HDAC9: variants seen among roughly 807,000 people sequenced by gnomAD.
The protein encoded by HDAC9 is histone deacetylase 9.
In HDAC9, 41 loss-of-function variants were observed where a neutral mutation model predicts 139.4. That is an observed-to-expected ratio of 0.29 (90% CI 0.23 to 0.38). HDAC9 has a LOEUF of 0.38. HDAC9 is among the 10% of genes least tolerant of loss of function. The pLI, the probability that HDAC9 is intolerant of heterozygous loss-of-function variation, is 1.00. For missense variants in HDAC9, 1,147 were observed against 1,297.0 expected (o/e 0.88, Z 1.78); for synonymous variants, 517 against 476.2 (o/e 1.09, Z -1.12).
chr7:18,749,522 T>C (rs1217245245), intron 14 of HDAC9, among the ~76,000 whole-genome samples: 1 of 152,232 alleles, frequency 6.6e-6, no homozygotes, highest in East Asian at 1.9e-4. Flanking sequence ...TTTTGCCACA[T>C]GGAAATGAAT....
chr7:18,424,604 A>G (rs762177359), intron 1 of HDAC9, among the ~76,000 whole-genome samples: 1 of 152,188 alleles, frequency 6.6e-6, no homozygotes, highest in African/African-American at 2.4e-5. Flanking sequence ...TTCTTCTTCT[A>G]TTAGGTTTTA....
intron 2 of HDAC9, among the ~76,000 whole-genome samples, chr7:18,269,130 G>A (rs1240948404): frequency 6.6e-6 from 1 of 152,152 alleles, no homozygotes; most frequent in Non-Finnish European, 1.5e-5. Flanking sequence ...TTCAGGGAAT[G>A]TGCTGCTTCA....
intron 22 of HDAC9, among the ~76,000 whole-genome samples, chr7:18,883,476 A>G (rs1451753307): frequency 6.6e-6 from 1 of 152,186 alleles, no homozygotes; most frequent in Non-Finnish European, 1.5e-5. Flanking sequence ...AAGGCATTTG[A>G]CAAATTCAAT....
chr7:18,537,541 A>G (rs1440491592), intron 2 of HDAC9, among the ~76,000 whole-genome samples: 1 of 151,240 alleles, frequency 6.6e-6, no homozygotes, highest in African/African-American at 2.4e-5. Context: ...TTTTTTTTCT[A>G]ATTTCTGTCA....
intron 2 of HDAC9, among the ~76,000 whole-genome samples, chr7:18,270,687 T>C (rs1354363146): frequency 6.6e-6 from 1 of 152,128 alleles, no homozygotes; most frequent in African/African-American, 2.4e-5. Flanking sequence ...GGAGGAAAAA[T>C]GCTAAATTAT....
chr7:18,743,757 G>A (rs1449406585), intron 13 of HDAC9, among the ~76,000 whole-genome samples: 3 of 151,898 alleles, frequency 2.0e-5, no homozygotes, highest in African/African-American at 7.2e-5. Context: ...GACACCGTAA[G>A]TCTTATGGAT....
chr7:18,829,504 T>C lies in HDAC9; in HGVS notation c.2422T>C (p.Leu808=). Residue 808 remains leucine (L), a synonymous_variant, in exon 19 of 26, where the codon TTG becomes CTG. Coordinates refer to ENST00000686413, the MANE Select transcript of HDAC9 (RefSeq NM_178425.4). ...TTCAGTTGCAATTACCGCCAAATAC[T>C]TGAGAGACCAACTAAATATAAGCAA... is the stretch of plus-strand genomic sequence containing the variant. ...FNSVAITAKY[L]RDQLNISKIL... is the part of the protein sequence containing the mutation. The C allele has an allele frequency of 1.2e-6, 2 of 1,612,728 alleles. No individual in the cohort carries two copies. The highest frequency in any genetic ancestry group is 3.3e-5 in the Admixed American group (2 of 60,008).
At chr7:18,616,568 G>T (rs1010416077) in intron 6 of HDAC9, among the ~76,000 whole-genome samples, 5 of 152,172 alleles carry the variant, frequency 3.3e-5, no homozygotes, top group Admixed American at 2.0e-4. Flanking sequence ...GAGAATGTAT[G>T]ATATAGTTCA....
intron 2 of HDAC9, among the ~76,000 whole-genome samples, chr7:18,549,230 C>T (rs1816264242): frequency 6.6e-6 from 1 of 152,168 alleles, no homozygotes; most frequent in African/African-American, 2.4e-5. Context: ...GAGCAAGACT[C>T]TGTCTGAAAT....
intron 13 of HDAC9, among the ~76,000 whole-genome samples, chr7:18,742,302 A>G (rs1584955174): frequency 6.6e-6 from 1 of 152,176 alleles, no homozygotes; most frequent in South Asian, 2.1e-4. Context: ...AGTAACTACT[A>G]CCCTGATCAG....
intron 17 of HDAC9, among the ~76,000 whole-genome samples, chr7:18,826,582 G>A (rs1285455511): frequency 6.6e-6 from 1 of 151,448 alleles, no homozygotes; most frequent in African/African-American, 2.4e-5. Flanking sequence ...GGATTATGAA[G>A]TGAAAAGCAG....
chr7:18,715,016 G>C (rs1229273480), intron 12 of HDAC9, among the ~76,000 whole-genome samples: 2 of 152,126 alleles, frequency 1.3e-5, no homozygotes, highest in Non-Finnish European at 2.9e-5. Flanking sequence ...GAAATACTTA[G>C]AAAAGACATT....
chr7:18,907,976 A>G (rs370148977), intron 22 of HDAC9, among the ~76,000 whole-genome samples: 3 of 152,148 alleles, frequency 2.0e-5, no homozygotes, highest in African/African-American at 7.2e-5. Flanking sequence ...TGATTTTTCC[A>G]GGATAGAATG....
intron 21 of HDAC9, among the ~76,000 whole-genome samples, chr7:18,865,110 G>C (rs1798395413): frequency 6.6e-6 from 1 of 152,112 alleles, no homozygotes; most frequent in African/African-American, 2.4e-5. Flanking sequence ...ATGAGGATCT[G>C]ATTAAACATG....
At chr7:18,233,267 C>A (rs567784246) in intron 2 of HDAC9, among the ~76,000 whole-genome samples, 3 of 151,976 alleles carry the variant, frequency 2.0e-5, no homozygotes, top group Non-Finnish European at 4.4e-5. Flanking sequence ...TGCTTCTTGG[C>A]ATCAAGCAAT....
At chr7:18,400,631 G>A (rs1252522364) in intron 1 of HDAC9, among the ~76,000 whole-genome samples, 1 of 152,172 alleles carries the variant, frequency 6.6e-6, no homozygotes, top group East Asian at 1.9e-4. Context: ...CTGAAAAGTG[G>A]CACTTAGAAA....
At chr7:18,605,305 T>G (rs1423238626) in intron 6 of HDAC9, among the ~76,000 whole-genome samples, 1 of 152,170 alleles carries the variant, frequency 6.6e-6, no homozygotes, top group Non-Finnish European at 1.5e-5. Flanking sequence ...TTTTTTTAAG[T>G]GGGCCTGACT....
At chr7:18,804,050 T>C (rs1352650030) in intron 17 of HDAC9, among the ~76,000 whole-genome samples, 1 of 152,148 alleles carries the variant, frequency 6.6e-6, no homozygotes, top group African/African-American at 2.4e-5. Context: ...TACAAGTTCA[T>C]GTGAAAATGT....
chr7:18,726,855 A>T (rs1785592700), intron 12 of HDAC9, among the ~76,000 whole-genome samples: 1 of 152,088 alleles, frequency 6.6e-6, no homozygotes, highest in Non-Finnish European at 1.5e-5. Flanking sequence ...TTTCTTGGAG[A>T]CAGAGGAAGA....
Sources: allele counts gnomAD v4.1 joint callset (sites outside exome capture counted in the v4.1 genomes callset), GRCh38; gene constraint gnomAD v4.1.1; transcripts MANE v1.5; gene names NCBI Gene and HGNC (gene_info 2026-07-23, HGNC 2026-07-21).